Variants in SUSD4 observed in about 807,000 individuals in gnomAD.
The protein encoded by SUSD4 is sushi domain containing 4.
Under a neutral mutation model 50.5 loss-of-function variants are expected in SUSD4, and 41 were observed. That is an observed-to-expected ratio of 0.81 (90% CI 0.63 to 1.05). The LOEUF (loss-of-function observed/expected upper bound fraction) is 1.05. Ranked by LOEUF, SUSD4 falls within the 50% of genes least tolerant of loss-of-function variation. SUSD4 has a pLI of 0.00. For synonymous variants in SUSD4, 257 were observed against 257.3 expected (o/e 1.00, Z 0.01); for missense variants, 580 against 634.7 (o/e 0.91, Z 0.93).
At chr1:223,226,777 G>A (rs1659547451) in intron 7 of SUSD4, among the ~76,000 whole-genome samples, 1 of 152,208 alleles carries the variant, frequency 6.6e-6, no homozygotes, top group Non-Finnish European at 1.5e-5. Flanking sequence ...CAGAAGGCAA[G>A]GAAAAGACAG....
At chr1:223,334,186 C>T (rs1207957790) in intron 2 of SUSD4, among the ~76,000 whole-genome samples, 1 of 151,982 alleles carries the variant, frequency 6.6e-6, no homozygotes, top group East Asian at 1.9e-4. Flanking sequence ...ATCTACGAAA[C>T]AAGAACAGAA....
intron 3 of SUSD4, among the ~76,000 whole-genome samples, chr1:223,284,724 G>A (rs573187982): frequency 2.6e-5 from 4 of 152,070 alleles, no homozygotes; most frequent in African/African-American, 9.7e-5. Context: ...GATGGAACTG[G>A]GGGACATTAT....
intron 2 of SUSD4, among the ~76,000 whole-genome samples, chr1:223,325,199 G>T (rs985151133): frequency 6.6e-6 from 1 of 151,984 alleles, no homozygotes; most frequent in African/African-American, 2.4e-5. Flanking sequence ...AGTGTGCTGA[G>T]GTCTTTATTT....
At chr1:223,362,675 T>C (rs1669050975) in intron 2 of SUSD4, among the ~76,000 whole-genome samples, 1 of 152,134 alleles carries the variant, frequency 6.6e-6, no homozygotes, top group African/African-American at 2.4e-5. Flanking sequence ...AAGCAATCTG[T>C]CAGAGGCACA....
chr1:223,222,256 C>G (rs1215122962), intron 8 of SUSD4, 36 bp from the exon 9 acceptor site: 1 of 1,601,658 alleles, frequency 6.2e-7, no homozygotes, highest in East Asian at 2.2e-5. Flanking sequence ...CTTAACATAA[C>G]CAGAAAACAC....
At chr1:223,239,640 T>C (rs1660446222) in intron 5 of SUSD4, among the ~76,000 whole-genome samples, 1 of 152,066 alleles carries the variant, frequency 6.6e-6, no homozygotes, top group African/African-American at 2.4e-5. Context: ...ACCTTATAAT[T>C]ACAAAATGAT....
At chr1:223,313,015 C>T (rs907213542) in intron 2 of SUSD4, among the ~76,000 whole-genome samples, 1 of 152,166 alleles carries the variant, frequency 6.6e-6, no homozygotes, top group African/African-American at 2.4e-5. Context: ...TGGCCTTGTC[C>T]CTGCTTCCGG....
chr1:223,305,823 T>C (rs1665502873), intron 2 of SUSD4, among the ~76,000 whole-genome samples: 1 of 152,242 alleles, frequency 6.6e-6, no homozygotes, highest in Non-Finnish European at 1.5e-5. Context: ...AATTCATCCA[T>C]GTGGGCTAAA....
At chr1:223,232,845 T>A (rs1383814022) in intron 5 of SUSD4, among the ~76,000 whole-genome samples, 1 of 152,182 alleles carries the variant, frequency 6.6e-6, no homozygotes, top group Non-Finnish European at 1.5e-5. Context: ...CTTCTCAGGG[T>A]CTTAGCTTTC....
At chr1:223,351,517 T>G (rs950906210) in intron 2 of SUSD4, among the ~76,000 whole-genome samples, 8 of 152,132 alleles carry the variant, frequency 5.3e-5, no homozygotes, top group African/African-American at 1.9e-4. Flanking sequence ...CACAGAGATT[T>G]CCTGGAGCTG....
chr1:223,274,195 C>T (rs1335958005), intron 3 of SUSD4, among the ~76,000 whole-genome samples: 1 of 152,172 alleles, frequency 6.6e-6, no homozygotes, highest in East Asian at 1.9e-4. Context: ...AGCACACTGT[C>T]CCAACCACCA....
chr1:223,226,175 A>G (rs1415901497), intron 7 of SUSD4, among the ~76,000 whole-genome samples: 4 of 152,200 alleles, frequency 2.6e-5, no homozygotes. Flanking sequence ...TTCTCTTTGT[A>G]ATCCTTAGGC....
rs1192005270 is a variant in SUSD4 at position 223,229,197 on chromosome 1, C to G, written c.916G>C (p.Glu306Gln). 2.5e-6 allele frequency: 4 copies of G among 1,596,670 alleles called. No homozygotes were observed. Among genetic ancestry groups the G allele is most frequent in the Non-Finnish European group, 2.6e-6 (3 of 1,165,404 alleles). Residue 306 changes from glutamate to glutamine, a missense_variant and splice_region_variant, in exon 6 of 9, where the codon GAG (glutamate) becomes CAG (glutamine). Physicochemically the swap from Glu to Gln is conservative, Grantham distance 29 (BLOSUM62 2). Transcript: ENST00000366878. This position sits in a 1 kb window ranked among gnomAD's most constrained non-coding sequence, Gnocchi z 4.7. ...CCAAGGGTGAGGCCTTCAGTCTTAC[C>G]TGATTTGATGCAGTAGACTTGATAA... ...PSYQVYCIKSEQTWPSTHETL... is the reference protein window; with the variant it reads ...PSYQVYCIKSQQTWPSTHETL...
At chr1:223,361,722 C>T (rs912976490) in intron 2 of SUSD4, among the ~76,000 whole-genome samples, 1 of 152,176 alleles carries the variant, frequency 6.6e-6, no homozygotes. Flanking sequence ...CTGTCATCTA[C>T]ATAAGAGAAA....
At chr1:223,271,214 A>G (rs990820671) in intron 3 of SUSD4, among the ~76,000 whole-genome samples, 1 of 152,234 alleles carries the variant, frequency 6.6e-6, no homozygotes, top group Non-Finnish European at 1.5e-5. Context: ...GTGACCAGCT[A>G]TAGAGAATAA....
At chr1:223,279,716 C>T (rs1015732589) in intron 3 of SUSD4, among the ~76,000 whole-genome samples, 3 of 152,230 alleles carry the variant, frequency 2.0e-5, no homozygotes, top group African/African-American at 7.2e-5. Context: ...GGCCAACATT[C>T]AAATTCAGGA....
chr1:223,307,617 GA>G (rs1665621718), intron 2 of SUSD4, among the ~76,000 whole-genome samples: 1 of 152,176 alleles, frequency 6.6e-6, no homozygotes, highest in African/African-American at 2.4e-5. Flanking sequence ...TTTGCGGGGG[GA>G]TTGGAGATGG....
At chr1:223,354,303 T>C (rs932612302) in intron 2 of SUSD4, among the ~76,000 whole-genome samples, 1 of 150,300 alleles carries the variant, frequency 6.7e-6, no homozygotes. Flanking sequence ...ATTCTTATTA[T>C]GACCAATGCT....
At chr1:223,328,246 A>T (rs1666986028) in intron 2 of SUSD4, among the ~76,000 whole-genome samples, 1 of 152,230 alleles carries the variant, frequency 6.6e-6, no homozygotes, top group Non-Finnish European at 1.5e-5. Flanking sequence ...TCTCCAGTAC[A>T]GCATCTCACT....
Sources: allele counts gnomAD v4.1 joint callset (sites outside exome capture counted in the v4.1 genomes callset), GRCh38; gene constraint gnomAD v4.1.1; non-coding constraint Gnocchi (gnomAD v3.1); transcripts MANE v1.5; gene names NCBI Gene and HGNC (gene_info 2026-07-23, HGNC 2026-07-21).